The following SPIRE1 variants were observed in gnomAD, a reference collection of about 807,000 sequenced individuals.
SPIRE1 encodes the protein spire type actin nucleation factor 1.
Under a neutral mutation model 94.1 loss-of-function variants are expected in SPIRE1, and 40 were observed. That is an observed-to-expected ratio of 0.43 (90% CI 0.33 to 0.55). The LOEUF (loss-of-function observed/expected upper bound fraction) is 0.55. SPIRE1 is among the 20% of genes least tolerant of loss of function. The pLI is 0.06. For missense variants in SPIRE1, 838 were observed against 975.2 expected (o/e 0.86, Z 1.87); for synonymous variants, 376 against 371.7 (o/e 1.01, Z -0.13).
intron 2 of SPIRE1, among the ~76,000 whole-genome samples, chr18:12,548,531 T>C (rs1269087078): frequency 6.6e-6 from 1 of 152,180 alleles, no homozygotes; most frequent in Non-Finnish European, 1.5e-5. Flanking sequence ...TTTTAAAATA[T>C]TTTTTACTGA....
intron 6 of SPIRE1, among the ~76,000 whole-genome samples, chr18:12,496,499 C>T (rs929981298): frequency 1.3e-5 from 2 of 152,110 alleles, no homozygotes; most frequent in East Asian, 3.8e-4. Flanking sequence ...TTTGGGAGGC[C>T]GAGGCAGGCG....
intron 3 of SPIRE1, among the ~76,000 whole-genome samples, chr18:12,539,392 C>T (rs1307125783): frequency 1.3e-5 from 2 of 152,114 alleles, no homozygotes; most frequent in South Asian, 2.1e-4. Context: ...CCTTGACTTC[C>T]GCCATGATTG....
intron 10 of SPIRE1, among the ~76,000 whole-genome samples, chr18:12,466,299 C>T (rs968652906): frequency 2.6e-5 from 4 of 151,924 alleles, no homozygotes; most frequent in Admixed American, 1.3e-4. Context: ...ATTTTTGAGA[C>T]GGAGTCTCAC....
chr18:12,618,181 A>C (rs1287753150), intron 2 of SPIRE1, among the ~76,000 whole-genome samples: 1 of 151,836 alleles, frequency 6.6e-6, no homozygotes. Context: ...GGCTCCCTGC[A>C]AGCTCCACCT....
chr18:12,452,459 G>C (rs1487085832), intron 15 of SPIRE1, 26 bp downstream of exon 15: 1 of 1,613,894 alleles, frequency 6.2e-7, no homozygotes, highest in East Asian at 2.2e-5. Context: ...AGGAACACAA[G>C]TATAAATGAA....
chr18:12,580,771 C>T (rs2036233947), intron 2 of SPIRE1, among the ~76,000 whole-genome samples: 1 of 152,142 alleles, frequency 6.6e-6, no homozygotes, highest in Non-Finnish European at 1.5e-5. Context: ...CTTCAAGGCC[C>T]AGGCATGGTG....
chr18:12,637,232 G>A (rs1187794509), intron 1 of SPIRE1, among the ~76,000 whole-genome samples: 1 of 151,956 alleles, frequency 6.6e-6, no homozygotes, highest in Admixed American at 6.6e-5. Flanking sequence ...GGTGGCAAGT[G>A]CCTGTAGTCC....
intron 10 of SPIRE1, among the ~76,000 whole-genome samples, chr18:12,476,698 A>G: frequency 6.6e-6 from 1 of 150,408 alleles, no homozygotes; most frequent in Admixed American, 6.6e-5. Context: ...ATATATATTA[A>G]AAAGGAATTA....
At chr18:12,628,596 G>T (rs1174686745) in intron 2 of SPIRE1, among the ~76,000 whole-genome samples, 1 of 152,108 alleles carries the variant, frequency 6.6e-6, no homozygotes, top group Non-Finnish European at 1.5e-5. Flanking sequence ...AAAGTCATTG[G>T]TAGCTTGATG....
rs138968926 is a variant in SPIRE1 at position 12,472,263 on chromosome 18, T to G, written c.1405-7305A>C. 4.3e-3 allele frequency among the ~76,000 whole-genome samples: 659 copies of G among 152,066 alleles called. 2 individuals carry two copies. The highest frequency in any genetic ancestry group is 0.011 in the African/African-American group (459 of 41,472). On this transcript the variant is annotated intron_variant, in intron 10 of 16. Transcript: ENST00000409402. ...AGACTGGGAGTTCAAGACCCCTGTC[T>G]CTATAAAAAAATAAAAACAAACAAC...
chr18:12,483,289 T>C (rs948356874), intron 9 of SPIRE1, among the ~76,000 whole-genome samples: 5 of 151,990 alleles, frequency 3.3e-5, no homozygotes, highest in Admixed American at 6.6e-5. Context: ...TGATCACTTA[T>C]AGTTTTCTGT....
chr18:12,657,983 C>A lies in SPIRE1; in HGVS notation c.-117G>T. 1 of 993,032 alleles carries A rather than the reference C, an allele frequency of 1.0e-6. No individual in the cohort carries two copies. Among genetic ancestry groups the A allele is most frequent in the South Asian group, 4.6e-5 (1 of 21,668 alleles). 61.5% of individuals were successfully genotyped at this position (993,032 alleles called of 1,614,324 possible). ...TCCCCGGAACCGCCGCCGCCCAACG[C>A]GGCCGCGCGCGCCGCCGCCGGGACC... On this transcript the variant is annotated 5_prime_UTR_variant, in exon 1 of 17. Coordinates refer to ENST00000409402, the MANE Select transcript of SPIRE1 (RefSeq NM_001128626.2).
At chr18:12,576,861 C>T (rs1008894269) in intron 2 of SPIRE1, among the ~76,000 whole-genome samples, 1 of 144,728 alleles carries the variant, frequency 6.9e-6, no homozygotes, top group Non-Finnish European at 1.5e-5. Flanking sequence ...TGCACTGAAG[C>T]CTGGGCGACA....
chr18:12,530,522 G>A (rs74703610), intron 4 of SPIRE1, among the ~76,000 whole-genome samples: 3,864 of 152,154 alleles, frequency 0.025, 169 homozygotes, highest in African/African-American at 0.088. Context: ...AGGATTCTAT[G>A]ATCTTGCTAT....
At chr18:12,537,793 C>T (rs1458193160) in intron 3 of SPIRE1, among the ~76,000 whole-genome samples, 1 of 151,930 alleles carries the variant, frequency 6.6e-6, no homozygotes, top group Non-Finnish European at 1.5e-5. Flanking sequence ...ATAAATTTAA[C>T]CAAGGAGGTG....
intron 6 of SPIRE1, among the ~76,000 whole-genome samples, chr18:12,505,575 A>T (rs2033805839): frequency 6.6e-6 from 1 of 151,554 alleles, no homozygotes; most frequent in Non-Finnish European, 1.5e-5. Flanking sequence ...AAACAAAAAA[A>T]CTCTCAATTG....
At chr18:12,650,551 A>G (rs112688341) in intron 1 of SPIRE1, among the ~76,000 whole-genome samples, 1 of 152,010 alleles carries the variant, frequency 6.6e-6, no homozygotes, top group Non-Finnish European at 1.5e-5. Flanking sequence ...TCTACTAAAA[A>G]TACAAAAAAT....
chr18:12,469,836 A>C (rs1486399683), intron 10 of SPIRE1, among the ~76,000 whole-genome samples: 2 of 150,344 alleles, frequency 1.3e-5, no homozygotes, highest in Non-Finnish European at 3.0e-5. Context: ...CATTTGGAGT[A>C]CTAGATTTTG....
chr18:12,451,650 T>C (rs989937604), intron 16 of SPIRE1, among the ~76,000 whole-genome samples: 1 of 152,220 alleles, frequency 6.6e-6, no homozygotes, highest in African/African-American at 2.4e-5. Flanking sequence ...CCAGGACATG[T>C]GGTTGGTAGA....
Sources: allele counts gnomAD v4.1 joint callset (sites outside exome capture counted in the v4.1 genomes callset), GRCh38; gene constraint gnomAD v4.1.1; transcripts MANE v1.5; gene names NCBI Gene and HGNC (gene_info 2026-07-23, HGNC 2026-07-21).